POU6F1: variants seen among roughly 807,000 people sequenced by gnomAD.
POU6F1 encodes POU class 6 homeobox 1.
In POU6F1, 9 loss-of-function variants were observed where a neutral mutation model predicts 28.9. That is an observed-to-expected ratio of 0.31 (90% CI 0.19 to 0.54). POU6F1 has a LOEUF of 0.54. POU6F1 is among the 20% of genes least tolerant of loss of function. POU6F1 has a pLI of 0.94. For missense variants in POU6F1, 338 were observed against 426.1 expected, an observed-to-expected ratio of 0.79 and a Z score of 1.82; for synonymous variants, 173 against 171.1, an observed-to-expected ratio of 1.01 and a Z score of -0.09.
rs573704274 is a variant in POU6F1 at position 51,213,054 on chromosome 12, G to A, written c.-48+4588C>T. On this transcript the variant is annotated intron_variant, in intron 1 of 10. Coordinates refer to ENST00000333640, the MANE Select transcript of POU6F1 (RefSeq NM_001330422.2). ...CAGGTTCAAGCAATTCTTCTGCCTCGGCCTCCTGAGTAGCTGGGACTACAG... is the reference window on the plus strand; with the variant it reads ...CAGGTTCAAGCAATTCTTCTGCCTCAGCCTCCTGAGTAGCTGGGACTACAG... 3.4e-3 allele frequency among the ~76,000 whole-genome samples: 512 copies of A among 151,450 alleles called. 1 individual carries two copies. Among genetic ancestry groups the A allele is most frequent in the South Asian group, 0.026 (124 of 4,774 alleles).
At position 51,217,801 on chromosome 12, in the gene POU6F1, G is replaced by C. The variant is rs1277004290; in HGVS notation, c.-207C>G. On this transcript the variant is annotated 5_prime_UTR_variant, in exon 1 of 11. Coordinates refer to ENST00000333640, the MANE Select transcript of POU6F1 (RefSeq NM_001330422.2). The surrounding 1 kb of genome is among the most constrained non-coding windows in gnomAD (Gnocchi z 5.3). ...AGTGCGGCTTGGCTGGGCTCGGCTC[G>C]GCCCGGGAGCTGGTCGGGACCCGCC... is the stretch of plus-strand genomic sequence containing the variant. 1.3e-5 allele frequency: 2 copies of C among 151,538 alleles called. No homozygotes were observed. Among genetic ancestry groups the C allele is most frequent in the Admixed American group, 1.3e-4 (2 of 15,240 alleles). The allele number at this position is 151,538 out of a possible 1,614,324, so 9.4% of individuals were successfully genotyped here.
At chr12:51,193,686 G>C (rs1942604856) in intron 8 of POU6F1, among the ~76,000 whole-genome samples, 2 of 152,158 alleles carry the variant, frequency 1.3e-5, no homozygotes, top group African/African-American at 2.4e-5. Context: ...CATAAAGTGA[G>C]CTATCAAAAG....
chr12:51,198,458 C>G (rs1037599983), intron 5 of POU6F1, 92 bp downstream of exon 5: 1 of 397,556 alleles, frequency 2.5e-6, no homozygotes, highest in Non-Finnish European at 4.4e-6. Context: ...CTGGGTGGGC[C>G]GTGGGTTCTG....
intron 3 of POU6F1, among the ~76,000 whole-genome samples, chr12:51,203,416 G>A (rs1012138259): frequency 1.3e-5 from 2 of 152,156 alleles, no homozygotes; most frequent in African/African-American, 4.8e-5. Context: ...GGGAACAGGT[G>A]ATGACCCATC....
chr12:51,203,864 C>A (rs1293247246), intron 3 of POU6F1, among the ~76,000 whole-genome samples: 1 of 152,164 alleles, frequency 6.6e-6, no homozygotes, highest in Non-Finnish European at 1.5e-5. Context: ...AGTGCCTGAT[C>A]TCCCACAGCT....
Position 51,190,629 on chromosome 12 carries a change from G to A in POU6F1, c.1491-37C>T. The A allele has an allele frequency of 6.2e-7, 1 of 1,600,048 alleles. No individual in the cohort carries two copies. The highest frequency in any genetic ancestry group is 1.1e-5 in the South Asian group (1 of 89,306). Reference sequence around the variant, plus strand: ...CCATACCCAGGAAGAGGCAGTGAGAGCATGTTGGTCTCTTTGGCACACCCC... The same window carrying A: ...CCATACCCAGGAAGAGGCAGTGAGAACATGTTGGTCTCTTTGGCACACCCC... On this transcript the variant is annotated intron_variant, in intron 10 of 10. Transcript: ENST00000333640. The surrounding 1 kb of genome is among the most constrained non-coding windows in gnomAD (Gnocchi z 4.5).
intron 2 of POU6F1, 112 bp downstream of exon 2, chr12:51,206,676 AT>A (rs1943647612): frequency 5.0e-6 from 2 of 398,072 alleles, no homozygotes; most frequent in Non-Finnish European, 8.9e-6. Context: ...AGGTGAAGTG[AT>A]GGTGAACCCT....
At chr12:51,193,207 G>C (rs1052601752) in intron 8 of POU6F1, among the ~76,000 whole-genome samples, 9 of 152,196 alleles carry the variant, frequency 5.9e-5, no homozygotes, top group African/African-American at 2.2e-4. Flanking sequence ...ATGGCTTTTG[G>C]TATCTCTCTA....
rs1012523163 is a variant in POU6F1 at position 51,191,679 on chromosome 12, G to A, written c.1407C>T (p.Leu469=). Residue 469 remains leucine, a synonymous_variant, in exon 10 of 11, where the codon CTC becomes CTT. Transcript: ENST00000333640. ...CCTGGGTCTGTGTAAGGCCCAGCGA[G>A]AGCCGCCGGATCTTAAAGTTCTTGG... is the stretch of plus-strand genomic sequence containing the variant. ...EFAKNFKIRR[L]SLGLTQTQVG... is the part of the protein sequence containing the mutation. The A allele has an allele frequency of 1.1e-5, 17 of 1,614,094 alleles. No individual in the cohort carries two copies. The highest frequency in any genetic ancestry group is 1.4e-5 in the Non-Finnish European group (17 of 1,180,052).
chr12:51,206,490 A>T (rs1943629900), intron 2 of POU6F1, among the ~76,000 whole-genome samples: 1 of 149,946 alleles, frequency 6.7e-6, no homozygotes, highest in African/African-American at 2.5e-5. Context: ...AAAAAAAAAA[A>T]TTAGAAAATA....
At chr12:51,193,064 A>G (rs1942546506) in intron 8 of POU6F1, among the ~76,000 whole-genome samples, 1 of 152,206 alleles carries the variant, frequency 6.6e-6, no homozygotes, top group Non-Finnish European at 1.5e-5. Flanking sequence ...GGTTCAGTAC[A>G]CTTGGCCAAA....
rs969367748 is a variant in POU6F1, at chr12:51,217,999, C to G, written c.-405G>C. On this transcript the variant is annotated 5_prime_UTR_variant, in exon 1 of 11. Transcript: ENST00000333640. The surrounding 1 kb of genome is among the most constrained non-coding windows in gnomAD (Gnocchi z 5.3). ...ACGACCCCCCCCTTTTCCCTCCCCC[C>G]CTTTTTTCCCTCCTTCTGCTACTTG... Among the ~76,000 whole-genome samples, 17 of 152,010 alleles carry G rather than the reference C, an allele frequency of 1.1e-4. No individual in the cohort carries two copies. The East Asian group carries it at 1.4e-3, about 12-fold the overall frequency.
intron 1 of POU6F1, among the ~76,000 whole-genome samples, chr12:51,212,384 G>C (rs1471116280): frequency 6.6e-6 from 1 of 151,834 alleles, no homozygotes; most frequent in African/African-American, 2.4e-5. Context: ...GAGCCACTGC[G>C]CCCAGCCAAA....
intron 2 of POU6F1, among the ~76,000 whole-genome samples, chr12:51,205,827 T>C (rs1215619227): frequency 6.7e-6 from 1 of 150,022 alleles, no homozygotes; most frequent in Non-Finnish European, 1.5e-5. Context: ...TCTTTTTTTT[T>C]TTTTTTTTGT....
chr12:51,203,194 G>A lies in POU6F1; in HGVS notation c.244+979C>T, dbSNP rs185071144. ...AGATCCATTTCTGAGAGCGAATTTGGATAAGGAGCAGAATTAAGGCACCAG... is the reference window on the plus strand; with the variant it reads ...AGATCCATTTCTGAGAGCGAATTTGAATAAGGAGCAGAATTAAGGCACCAG... On this transcript the variant is annotated intron_variant, in intron 3 of 10. Transcript: ENST00000333640. Among the ~76,000 whole-genome samples the A allele has an allele frequency of 9.7e-4, 147 of 152,266 alleles. 1 individual carries two copies. Among genetic ancestry groups the A allele is most frequent in the Non-Finnish European group, 1.8e-3 (120 of 68,024 alleles).
Position 51,217,320 on chromosome 12 carries a change from G to T in POU6F1, c.-48+322C>A, listed in dbSNP as rs1274051257. ...GCTCCAGGGGCAGAAACGGGGAGGG[G>T]CCAGGTCGGGGTTCCCCACCGGGTC... On this transcript the variant is annotated intron_variant, in intron 1 of 10. Transcript: ENST00000333640. This position sits in a 1 kb window ranked among gnomAD's most constrained non-coding sequence, Gnocchi z 5.3. 1.3e-5 allele frequency among the ~76,000 whole-genome samples: 2 copies of T among 152,114 alleles called. No individual in the cohort carries two copies. Among genetic ancestry groups the T allele is most frequent in the East Asian group, 1.9e-4 (1 of 5,150 alleles).
In POU6F1 at chr12:51,195,840, C is replaced by T; in HGVS notation, c.1179+130G>A. Reference sequence around the variant, plus strand: ...GTGGGCCTTCTACTCTGGGACCTCCCCCACTTTAGGAAGCGCCCTGCACTC... The same window carrying T: ...GTGGGCCTTCTACTCTGGGACCTCCTCCACTTTAGGAAGCGCCCTGCACTC... On this transcript the variant is annotated intron_variant, in intron 8 of 10. Coordinates refer to ENST00000333640, the MANE Select transcript of POU6F1 (RefSeq NM_001330422.2). 5.5e-6 allele frequency: 6 copies of T among 1,093,128 alleles called. No homozygotes were observed. In the South Asian group the frequency reaches 9.8e-5, roughly 18 times the overall value. 67.7% of individuals were successfully genotyped at this position (1,093,128 alleles called of 1,614,324 possible). A position where few individuals can be genotyped will look rare whatever the true frequency, so the allele number is the denominator to read the frequency against.
chr12:51,190,043 G>C lies in POU6F1; in HGVS notation c.*204C>G. 1 of 930,612 alleles carries C rather than the reference G, an allele frequency of 1.1e-6. No homozygotes were observed. The highest frequency in any genetic ancestry group is 1.5e-6 in the Non-Finnish European group (1 of 645,398). The allele number at this position is 930,612 out of a possible 1,614,324, so 57.6% of individuals were successfully genotyped here. A position where few individuals can be genotyped will look rare whatever the true frequency, so the allele number is the denominator to read the frequency against. ...GACCAGCCCAGAGCCTGGAGCTCTC[G>C]TGTGGCCCCCTCTGGCCTCCCCATG... On this transcript the variant is annotated 3_prime_UTR_variant, in exon 11 of 11. Coordinates refer to ENST00000333640, the MANE Select transcript of POU6F1 (RefSeq NM_001330422.2). This position sits in a 1 kb window ranked among gnomAD's most constrained non-coding sequence, Gnocchi z 4.5.
At chr12:51,200,386 C>T (rs893133850) in intron 3 of POU6F1, among the ~76,000 whole-genome samples, 1 of 152,172 alleles carries the variant, frequency 6.6e-6, no homozygotes, top group Non-Finnish European at 1.5e-5. Flanking sequence ...GAAAATTGGA[C>T]AGGTCTGTGC....
Sources: allele counts gnomAD v4.1 joint callset (sites outside exome capture counted in the v4.1 genomes callset), GRCh38; gene constraint gnomAD v4.1.1; non-coding constraint Gnocchi (gnomAD v3.1); transcripts MANE v1.5; gene names NCBI Gene and HGNC (gene_info 2026-07-23, HGNC 2026-07-21).